Variants in YJU2B observed in about 807,000 individuals in gnomAD.
YJU2B encodes the protein YJU2 splicing factor homolog B, also known as probable splicing factor YJU2B.
A neutral mutation model predicts 38.0 loss-of-function variants in YJU2B; 18 were observed. That is an observed-to-expected ratio of 0.47 (90% CI 0.33 to 0.70). The LOEUF is 0.70. YJU2B is among the 30% of genes least tolerant of loss of function. YJU2B has a pLI of 0.02. For missense variants in YJU2B, 538 were observed against 556.3 expected, an observed-to-expected ratio of 0.97 and a Z score of 0.33; for synonymous variants, 246 against 225.4, an observed-to-expected ratio of 1.09 and a Z score of -0.82.
At chr19:13,757,304 G>A (rs1486587418) in intron 4 of YJU2B, 114 bp from the exon 5 acceptor site, 2 of 738,018 alleles carry the variant, frequency 2.7e-6, no homozygotes, top group Non-Finnish European at 4.8e-6. Context: ...CCCGTTAACA[G>A]GGCAGTCTAA....
intron 1 of YJU2B, among the ~76,000 whole-genome samples, chr19:13,750,295 T>C (rs1052433007): frequency 2.6e-5 from 4 of 151,974 alleles, no homozygotes; most frequent in African/African-American, 9.7e-5. Flanking sequence ...TGGCGCCATC[T>C]TGGCTTACTG....
intron 1 of YJU2B, among the ~76,000 whole-genome samples, chr19:13,748,877 A>C (rs180721672): frequency 6.6e-6 from 1 of 152,334 alleles, no homozygotes. Context: ...TCTAAAGGAC[A>C]CACTTTATAG....
rs1405319078 is a variant in YJU2B, at chr19:13,759,151, A to G, written c.452A>G (p.His151Arg). The stretch of plus-strand genomic sequence containing the variant: ...ACGGACGCCATGTTCCGGCTGGAGC[A>G]TGGCGAGGCCGACCGCAGCACACTC... Reference protein sequence around the residue: ...LETDAMFRLEHGEADRSTLKK... With the variant: ...LETDAMFRLERGEADRSTLKK... Residue 151 changes from histidine (H) to arginine (R), a missense_variant, in exon 8 of 10, where the codon CAT (histidine) becomes CGT (arginine). This residue lies in a region of YJU2B where 488 missense variants were observed against 469.5 expected (regional missense o/e 1.04). Transcript: ENST00000221554. 1.9e-6 allele frequency: 3 copies of G among 1,613,728 alleles called. No individual in the cohort carries two copies. The highest frequency in any genetic ancestry group is 1.3e-5 in the African/African-American group (1 of 75,058).
At chr19:13,752,762 A>T (rs1973518456) in intron 2 of YJU2B, among the ~76,000 whole-genome samples, 1 of 151,930 alleles carries the variant, frequency 6.6e-6, no homozygotes, top group Admixed American at 6.6e-5. Context: ...AAAATACAAA[A>T]ATTAGTTGGA....
intron 2 of YJU2B, among the ~76,000 whole-genome samples, chr19:13,742,476 C>T (rs890464969): frequency 5.9e-5 from 9 of 152,102 alleles, no homozygotes; most frequent in African/African-American, 2.2e-4. Context: ...CCCATGCTTA[C>T]GCATAAATGT....
At chr19:13,737,286 A>G (rs544994541) in intron 2 of YJU2B, among the ~76,000 whole-genome samples, 3 of 152,160 alleles carry the variant, frequency 2.0e-5, no homozygotes, top group South Asian at 4.2e-4. Flanking sequence ...CAGCCTCCCA[A>G]AAATGCTGGG....
Position 13,736,017 on chromosome 19 carries a change from A to G in YJU2B, c.-202+3732A>G, listed in dbSNP as rs1161661823. On this transcript the variant is annotated intron_variant, in intron 2 of 10. Transcript: ENST00000586600. The stretch of plus-strand genomic sequence containing the variant: ...CAGTGAGCCGAGATCGCGCCACTAC[A>G]CTCCAGCCTGGGTGACAGAGGGAGA... Among the ~76,000 whole-genome samples the G allele has an allele frequency of 2.3e-4, 34 of 144,950 alleles. 2 individuals are homozygous for G. Among genetic ancestry groups the G allele is most frequent in the Admixed American group, 2.2e-3 (31 of 13,976 alleles).
chr19:13,751,566 A>C, intron 1 of YJU2B, 42 bp from the exon 2 acceptor site: 1 of 556,058 alleles, frequency 1.8e-6, no homozygotes, highest in Non-Finnish European at 3.2e-6. Flanking sequence ...TGTGATGCGT[A>C]TATTGGCTGT....
At chr19:13,755,569 C>T (rs1360619891) in intron 3 of YJU2B, among the ~76,000 whole-genome samples, 1 of 152,050 alleles carries the variant, frequency 6.6e-6, no homozygotes, top group Non-Finnish European at 1.5e-5. Context: ...TAATAATGAC[C>T]ATTATACGTA....
chr19:13,744,631 G>C (rs1397846547), upstream of YJU2B, among the ~76,000 whole-genome samples: 1 of 152,118 alleles, frequency 6.6e-6, no homozygotes, highest in Non-Finnish European at 1.5e-5. Context: ...GGGGATCCCT[G>C]CTCTGTCTCA....
chr19:13,745,714 G>GATATAT (rs774614525), upstream of YJU2B, among the ~76,000 whole-genome samples: 2 of 120,992 alleles, frequency 1.7e-5, no homozygotes, highest in African/African-American at 6.6e-5. Context: ...GATATCTATA[G>GATATAT]ATCTATAGAT....
intron 1 of YJU2B, chr19:13,732,099 T>G: frequency 6.6e-6 from 1 of 152,342 alleles, no homozygotes; most frequent in South Asian, 2.1e-4. Context: ...TGGGTAGGAC[T>G]TCGGGGTGGG....
intron 3 of YJU2B, 126 bp downstream of exon 3, chr19:13,754,468 C>G: frequency 1.3e-6 from 1 of 761,050 alleles, no homozygotes; most frequent in Non-Finnish European, 2.3e-6. Flanking sequence ...TGCATGTCAC[C>G]TGAGTCTCGA....
intron 2 of YJU2B, among the ~76,000 whole-genome samples, chr19:13,742,171 G>A (rs1973110983): frequency 6.6e-6 from 1 of 151,934 alleles, no homozygotes; most frequent in Non-Finnish European, 1.5e-5. Context: ...TCTGTTCATT[G>A]GGCTTCATCA....
At chr19:13,754,533 CATGTCCACACTAT>C (rs1003016934) in intron 3 of YJU2B, among the ~76,000 whole-genome samples, 191 bp downstream of exon 3, 2 of 152,114 alleles carry the variant, frequency 1.3e-5, no homozygotes, top group Admixed American at 1.3e-4. Context: ...CCTGTAACTC[CATGTCCACACTAT>C]ACTAGAGTAT....
At chr19:13,748,898 C>T (rs1973349988) in intron 1 of YJU2B, among the ~76,000 whole-genome samples, 2 of 152,194 alleles carry the variant, frequency 1.3e-5, no homozygotes, top group Non-Finnish European at 2.9e-5. Context: ...TTGGAGGATA[C>T]AAGACTAAGG....
chr19:13,751,007 T>G (rs984286318), intron 1 of YJU2B, among the ~76,000 whole-genome samples: 2 of 151,976 alleles, frequency 1.3e-5, no homozygotes, highest in African/African-American at 2.4e-5. Flanking sequence ...GGGTAAGAGT[T>G]AGGCTTGGAG....
chr19:13,736,830 G>A (rs370327222), intron 2 of YJU2B, among the ~76,000 whole-genome samples: 4 of 151,372 alleles, frequency 2.6e-5, no homozygotes, highest in East Asian at 2.0e-4. Context: ...TCAGGAGTTC[G>A]AGACCAGCCT....
At chr19:13,761,225 A>G (rs1420723819) in intron 8 of YJU2B, among the ~76,000 whole-genome samples, 1 of 150,288 alleles carries the variant, frequency 6.7e-6, no homozygotes, top group Non-Finnish European at 1.5e-5. Flanking sequence ...TAAAAATGCA[A>G]AAAAAAATTA....
Sources: allele counts gnomAD v4.1 joint callset (sites outside exome capture counted in the v4.1 genomes callset), GRCh38; gene constraint gnomAD v4.1.1; regional missense constraint gnomAD v4.1.1; transcripts MANE v1.5; gene names NCBI Gene and HGNC (gene_info 2026-07-23, HGNC 2026-07-21).